The following MIB2 variants were observed in gnomAD, a reference collection of about 807,000 sequenced individuals.
MIB2 encodes E3 ubiquitin-protein ligase MIB2.
A neutral mutation model predicts 96.6 loss-of-function variants in MIB2; 78 were observed. The ratio of observed to expected loss-of-function variants is 0.81; its 90% CI spans 0.67 to 0.97. MIB2 has a LOEUF of 0.97. MIB2 is among the 50% of genes least tolerant of loss of function. The probability of loss-of-function intolerance (pLI) is 0.00; values close to 1 mark genes in which losing one functional copy is unlikely to be tolerated. For synonymous variants in MIB2, 820 were observed against 629.5 expected (o/e 1.30, Z -4.53); for missense variants, 1,543 against 1,424.0 (o/e 1.08, Z -1.35).
chr1:1,626,770 A>ACCCCCGCCGCTAGCGCCGCTGCCC lies in MIB2; in HGVS notation c.1077+20_1078-40dup. On this transcript the variant is annotated intron_variant, in intron 9 of 19. Transcript: ENST00000355826. The surrounding 1 kb of genome is among the most constrained non-coding windows in gnomAD (Gnocchi z 5.3). ...CATGGCCCCTGTGAGTCCCCCTGCC[A>ACCCCCGCCGCTAGCGCCGCTGCCC]CCCCCGCCGCTAGCGCCGCTGCCCC... 6.9e-7 allele frequency: 1 copy of ACCCCCGCCGCTAGCGCCGCTGCCC among 1,453,688 alleles called. No individual in the cohort carries two copies. The highest frequency in any genetic ancestry group is 9.1e-7 in the Non-Finnish European group (1 of 1,102,860). The allele number at this position is 1,453,688 out of a possible 1,614,324, so 90.0% of individuals were successfully genotyped here.
At chr1:1,621,861 G>A (rs754074066) in intron 2 of MIB2, among the ~76,000 whole-genome samples, 22 of 152,352 alleles carry the variant, frequency 1.4e-4, no homozygotes, top group African/African-American at 5.3e-4. Flanking sequence ...CTCAGTCTCC[G>A]GAGTGGGGCT....
At chr1:1,629,603 G>A in intron 18 of MIB2, 36 bp from the exon 19 acceptor site, 1 of 1,569,102 alleles carries the variant, frequency 6.4e-7, no homozygotes, top group Non-Finnish European at 8.6e-7. Context: ...GGCCCGGCTA[G>A]TAGGGCCGCA....
chr1:1,614,902 C>G (rs943545406), upstream of MIB2: 1 of 153,060 alleles, frequency 6.5e-6, no homozygotes, highest in African/African-American at 2.4e-5. Context: ...GTAGTCCCAG[C>G]TGCTCGGGAG....
intron 2 of MIB2, among the ~76,000 whole-genome samples, chr1:1,621,997 G>C (rs1175805925): frequency 6.6e-6 from 1 of 152,262 alleles, no homozygotes; most frequent in Admixed American, 6.5e-5. Flanking sequence ...CCGGGCCAGG[G>C]TGTCTCCTGA....
rs1356680632 is a variant in MIB2, at chr1:1,625,978, G to A, written c.972+325G>A. On this transcript the variant is annotated intron_variant, in intron 8 of 19. Coordinates refer to ENST00000355826, the MANE Select transcript of MIB2 (RefSeq NM_001170687.4). The surrounding 1 kb of genome is among the most constrained non-coding windows in gnomAD (Gnocchi z 5.0). The stretch of plus-strand genomic sequence containing the variant: ...CTGGGCTAAGATGCTCCTGGTTAGT[G>A]CTGTATGGGGGCCGATGGGGGTGGC... 4 of 398,376 alleles carry A rather than the reference G, an allele frequency of 1.0e-5. No individual in the cohort carries two copies. The highest frequency in any genetic ancestry group is 1.8e-5 in the Non-Finnish European group (4 of 216,848). The allele number at this position is 398,376 out of a possible 1,614,324, so 24.7% of individuals were successfully genotyped here.
rs950842255 is a variant in MIB2 at position 1,627,937 on chromosome 1, C to T, written c.1681-82C>T. The T allele has an allele frequency of 3.4e-5, 54 of 1,603,498 alleles. 1 individual carries two copies. The highest frequency in any genetic ancestry group is 2.0e-4 in the East Asian group (9 of 44,784). ...CTCCCTGGCCTGGGTGCCCCCTGCC[C>T]GTGAGTGCTGCTCCCTGGGTGCCCT... On this transcript the variant is annotated intron_variant, in intron 13 of 19. Coordinates refer to ENST00000355826, the MANE Select transcript of MIB2 (RefSeq NM_001170687.4).
At chr1:1,629,048 C>A in intron 16 of MIB2, 85 bp from the exon 17 acceptor site, 1 of 1,316,554 alleles carries the variant, frequency 7.6e-7, no homozygotes, top group South Asian at 1.7e-5. Flanking sequence ...GGGGCGCCGG[C>A]TGCTGGGGCT....
rs1210084236 is a variant in MIB2, at chr1:1,624,872, G to A, written c.497G>A (p.Gly166Asp). 6.2e-7 allele frequency: 1 copy of A among 1,613,054 alleles called. No individual in the cohort carries two copies. The highest frequency in any genetic ancestry group is 1.3e-5 in the African/African-American group (1 of 75,068). Residue 166 changes from glycine (G) to aspartate (D), a missense_variant, in exon 5 of 20, where the codon GGC (glycine) becomes GAC (aspartate). By Grantham distance (94) the Gly-to-Asp change is moderately conservative (BLOSUM62 -1). Coordinates refer to ENST00000355826, the MANE Select transcript of MIB2 (RefSeq NM_001170687.4). ...GIFQGAKVVR[G>D]PDWEWGSQDG... ...TTCCAGGGAGCGAAGGTGGTGCGAGGCCCCGACTGGGAGTGGGGCTCACAG... is the reference window on the plus strand; with the variant it reads ...TTCCAGGGAGCGAAGGTGGTGCGAGACCCCGACTGGGAGTGGGGCTCACAG...
rs755390011 is a variant in MIB2, at chr1:1,629,170, C to T, written c.2240C>T (p.Thr747Met). Reference sequence around the variant, plus strand: ...GGCCTCCCCGGCAGCGCGGAGCTGACGGTGGGCGCGGCGGTCGCCTGCTTC... The same window carrying T: ...GGCCTCCCCGGCAGCGCGGAGCTGATGGTGGGCGCGGCGGTCGCCTGCTTC... ...ASGLPGSAEL[T>M]VGAAVACFLA... Residue 747 changes from threonine (T) to methionine (M), a missense_variant, in exon 17 of 20, where the codon ACG becomes ATG. Transcript: ENST00000355826. 1.0e-4 allele frequency: 151 copies of T among 1,504,454 alleles called. 3 individuals carry two copies. In the South Asian group the frequency reaches 1.7e-3, roughly 17 times the overall value. The allele number at this position is 1,504,454 out of a possible 1,614,324, so 93.2% of individuals were successfully genotyped here.
rs1179356457 is a variant in MIB2 at position 1,628,479 on chromosome 1, C to G, written c.1969-10C>G. 1.1e-5 allele frequency: 17 copies of G among 1,595,820 alleles called. No homozygotes were observed. Among genetic ancestry groups the G allele is most frequent in the Non-Finnish European group, 1.4e-5 (17 of 1,174,790 alleles). On this transcript the variant is annotated splice_polypyrimidine_tract_variant and intron_variant, in intron 15 of 19. Transcript: ENST00000355826. ...GTCCCTGGGCTGAGCCCGTCCCCACCCCTCCCCAGGGCCGCTGTGACGTGA... is the reference window on the plus strand; with the variant it reads ...GTCCCTGGGCTGAGCCCGTCCCCACGCCTCCCCAGGGCCGCTGTGACGTGA...
chr1:1,616,476 CTG>C (rs1643698838), intron 1 of MIB2, 30 bp from the exon 2 acceptor site: 3 of 1,469,952 alleles, frequency 2.0e-6, no homozygotes, highest in Non-Finnish European at 1.8e-6. Flanking sequence ...GAGGTGCTAA[CTG>C]TGCATCTTGG....
chr1:1,625,658 CG>C lies in MIB2; in HGVS notation c.972+12del, dbSNP rs766123125. The C allele has an allele frequency of 8.4e-6, 13 of 1,551,494 alleles. No homozygotes were observed. The highest frequency in any genetic ancestry group is 1.9e-5 in the Admixed American group (1 of 51,596). The stretch of plus-strand genomic sequence containing the variant: ...CACCCCGGGGCGCTCACCAAGGTGC[CG>C]GGGGGGCTGGGCTGCGCCTCATCTG... On this transcript the variant is annotated splice_donor_region_variant and intron_variant, in intron 8 of 19. Transcript: ENST00000355826. The surrounding 1 kb of genome is among the most constrained non-coding windows in gnomAD (Gnocchi z 5.0).
In MIB2 at chr1:1,630,404, C is replaced by T. The variant is rs758271997; in HGVS notation, c.2742C>T (p.Cys914=). The change falls in exon 20 of 20, where the codon TGC becomes TGT. Residue 914 remains cysteine, a synonymous_variant. Transcript: ENST00000355826. ...QMEERITCPI[C]IDSHIRLVFQ... is the part of the protein sequence containing the mutation. ...AGGAACGCATCACCTGCCCCATCTGCATCGACAGCCACATCCGCCTCGTGT... is the reference window on the plus strand; with the variant it reads ...AGGAACGCATCACCTGCCCCATCTGTATCGACAGCCACATCCGCCTCGTGT... 3 of 1,574,786 alleles carry T rather than the reference C, an allele frequency of 1.9e-6. No individual in the cohort carries two copies. Among genetic ancestry groups the T allele is most frequent in the South Asian group, 2.3e-5 (2 of 86,628 alleles).
intron 16 of MIB2, 123 bp downstream of exon 16, chr1:1,628,845 G>A: frequency 1.1e-6 from 1 of 943,388 alleles, no homozygotes; most frequent in South Asian, 1.7e-5. Flanking sequence ...AGGCGTTCTG[G>A]GGGTGGAGCA....
upstream of MIB2, chr1:1,614,016 G>A (rs1323355747): frequency 6.6e-6 from 1 of 151,964 alleles, no homozygotes; most frequent in African/African-American, 2.4e-5. Context: ...CCATGGGTTA[G>A]TAAAAAGCTA....
Position 1,626,984 on chromosome 1 carries a change from G to C in MIB2, c.1225G>C (p.Ala409Pro). 6.2e-7 allele frequency: 1 copy of C among 1,611,202 alleles called. No homozygotes were observed. The highest frequency in any genetic ancestry group is 8.5e-7 in the Non-Finnish European group (1 of 1,179,280). ...EDANLDVAER[A>P]RENKSSLSVA... ...TGCCAACCTGGACGTGGCCGAGCGCGCCCGGGAGAACAAAAGTGCGGCACA... is the reference window on the plus strand; with the variant it reads ...TGCCAACCTGGACGTGGCCGAGCGCCCCCGGGAGAACAAAAGTGCGGCACA... The change falls in exon 10 of 20, where the codon GCC (alanine) becomes CCC (proline). Residue 409 changes from alanine (A) to proline (P), a missense_variant. Coordinates refer to ENST00000355826, the MANE Select transcript of MIB2 (RefSeq NM_001170687.4). This position sits in a 1 kb window ranked among gnomAD's most constrained non-coding sequence, Gnocchi z 5.3.
rs1348071710 is a variant in MIB2, at chr1:1,626,534, C to T, written c.973-116C>T. The T allele has an allele frequency of 9.5e-5, 85 of 895,956 alleles. 2 individuals carry two copies. In the East Asian group the frequency reaches 1.9e-3, roughly 20 times the overall value. 55.5% of individuals were successfully genotyped at this position (895,956 alleles called of 1,614,324 possible). ...CAGTGCCTGGGGTCGGGGTCGGGGC[C>T]GGGGCCGAGTCAGGCCTGCCTGTCT... On this transcript the variant is annotated intron_variant, in intron 8 of 19. Coordinates refer to ENST00000355826, the MANE Select transcript of MIB2 (RefSeq NM_001170687.4). The surrounding 1 kb of genome is among the most constrained non-coding windows in gnomAD (Gnocchi z 5.3).
intron 1 of MIB2, 45 bp downstream of exon 1, chr1:1,615,678 C>T: frequency 6.5e-7 from 1 of 1,535,628 alleles, no homozygotes; most frequent in Non-Finnish European, 8.7e-7. Flanking sequence ...CCGCACCGTC[C>T]CCGAGTCGTT....
In MIB2 at chr1:1,630,578, G is replaced by GTGTT. The variant is rs1480958178; in HGVS notation, c.*50_*53dup. The GTGTT allele has an allele frequency of 2.9e-6, 4 of 1,398,818 alleles. No individual in the cohort carries two copies. Among genetic ancestry groups the GTGTT allele is most frequent in the Non-Finnish European group, 3.8e-6 (4 of 1,054,498 alleles). The allele number at this position is 1,398,818 out of a possible 1,614,324, so 86.7% of individuals were successfully genotyped here. On this transcript the variant is annotated 3_prime_UTR_variant, in exon 20 of 20. Transcript: ENST00000355826. ...AGCTGCCTTCGCGTGCCCCCGCCCTGTGTTTTATAAAAAGAAAGATTCTCG... is the reference window on the plus strand; with the variant it reads ...AGCTGCCTTCGCGTGCCCCCGCCCTGTGTTTGTTTTATAAAAAGAAAGATTCTCG...
Sources: gnomAD v4.1 joint callset for allele counts (sites outside exome capture counted in the v4.1 genomes callset) on GRCh38, gnomAD v4.1.1 for gene constraint, Gnocchi (gnomAD v3.1) non-coding constraint, MANE v1.5 for transcripts, NCBI Gene and HGNC (gene_info 2026-07-23, HGNC 2026-07-21) for gene names.